The following KIAA0825 variants were observed in gnomAD, a reference collection of about 807,000 sequenced individuals.
KIAA0825 encodes the protein KIAA0825.
Under a neutral mutation model 147.6 loss-of-function variants are expected in KIAA0825, and 119 were observed. The observed-to-expected ratio is 0.81, with a 90% CI of 0.69 to 0.94. KIAA0825 has a LOEUF of 0.94. Ranked by LOEUF, KIAA0825 falls within the 40% of genes least tolerant of loss-of-function variation. The probability of loss-of-function intolerance (pLI) is 0.00; values close to 1 mark genes in which losing one functional copy is unlikely to be tolerated. For synonymous variants in KIAA0825, 470 were observed against 518.1 expected, an observed-to-expected ratio of 0.91 and a Z score of 1.26; for missense variants, 1,381 against 1,472.7, an observed-to-expected ratio of 0.94 and a Z score of 1.02.
rs1766618343 is a variant in KIAA0825 at position 94,152,845 on chromosome 5, A to T, written c.*1162T>A. 4.2e-4 allele frequency: 15 copies of T among 35,400 alleles called. No individual in the cohort carries two copies. Among genetic ancestry groups the T allele is most frequent in the Non-Finnish European group, 7.8e-4 (14 of 17,900 alleles). The allele number at this position is 35,400 out of a possible 1,614,324, so 2.2% of individuals were successfully genotyped here. On this transcript the variant is annotated 3_prime_UTR_variant, in exon 21 of 21. Coordinates refer to ENST00000682413, the MANE Select transcript of KIAA0825 (RefSeq NM_001145678.3). Reference sequence around the variant, plus strand: ...TGAAAAAAAAAAAAAAAAAAAAAAAAAAAAAAAAAATTATATATATATATA... The same window carrying T: ...TGAAAAAAAAAAAAAAAAAAAAAAATAAAAAAAAAATTATATATATATATA...
At chr5:94,219,256 C>G (rs1773473973) in intron 20 of KIAA0825, among the ~76,000 whole-genome samples, 1 of 151,982 alleles carries the variant, frequency 6.6e-6, no homozygotes, top group Non-Finnish European at 1.5e-5. Flanking sequence ...AGGGAGTGTG[C>G]AATCTAGATC....
At chr5:94,321,709 A>T (rs1056427684) in intron 20 of KIAA0825, among the ~76,000 whole-genome samples, 2 of 151,924 alleles carry the variant, frequency 1.3e-5, no homozygotes, top group African/African-American at 4.8e-5. Flanking sequence ...GCAGCAAATC[A>T]CCCTTTTGTT....
intron 14 of KIAA0825, among the ~76,000 whole-genome samples, chr5:94,418,476 C>T (rs530090434): frequency 6.6e-6 from 1 of 151,662 alleles, no homozygotes; most frequent in South Asian, 2.1e-4. Context: ...CCTCCCCCAC[C>T]CCTGCCCCCA....
chr5:94,394,440 T>G (rs1750349416), intron 17 of KIAA0825, among the ~76,000 whole-genome samples: 1 of 152,196 alleles, frequency 6.6e-6, no homozygotes, highest in Admixed American at 6.5e-5. Flanking sequence ...CTCTTTTGGC[T>G]CATTGTTAAT....
chr5:94,422,899 T>C (rs891667818), intron 14 of KIAA0825, among the ~76,000 whole-genome samples: 3 of 152,190 alleles, frequency 2.0e-5, no homozygotes, highest in African/African-American at 7.2e-5. Context: ...GTTCTTCCCA[T>C]TAATGTGAGT....
intron 1 of KIAA0825, among the ~76,000 whole-genome samples, chr5:94,616,468 T>A (rs1351035793): frequency 6.6e-6 from 1 of 152,190 alleles, no homozygotes; most frequent in African/African-American, 2.4e-5. Context: ...TAATAATTCC[T>A]TATAAATCAT....
At chr5:94,307,533 T>C (rs1778823098) in intron 20 of KIAA0825, among the ~76,000 whole-genome samples, 1 of 151,804 alleles carries the variant, frequency 6.6e-6, no homozygotes. Flanking sequence ...TGATTTCTTC[T>C]ATTTCAACAA....
chr5:94,386,212 T>G, intron 19 of KIAA0825, 30 bp downstream of exon 19: 1 of 1,523,090 alleles, frequency 6.6e-7, no homozygotes, highest in Non-Finnish European at 8.8e-7. Context: ...AAACCACACA[T>G]TTAAATTAAA....
At chr5:94,388,717 A>G (rs957448193) in intron 18 of KIAA0825, among the ~76,000 whole-genome samples, 3 of 152,200 alleles carry the variant, frequency 2.0e-5, no homozygotes, top group African/African-American at 7.2e-5. Flanking sequence ...CTTTCTAGGT[A>G]CTGCACTGAC....
At chr5:94,408,561 C>T (rs1011020041) in intron 15 of KIAA0825, among the ~76,000 whole-genome samples, 4 of 151,172 alleles carry the variant, frequency 2.6e-5, no homozygotes, top group East Asian at 2.0e-4. Flanking sequence ...TTAGTAGAGA[C>T]GGGGTTTCAC....
At chr5:94,565,352 T>TG (rs543584398) in intron 2 of KIAA0825, among the ~76,000 whole-genome samples, 2 of 151,078 alleles carry the variant, frequency 1.3e-5, no homozygotes, top group African/African-American at 4.9e-5. Context: ...TTCCTTTTTT[T>TG]TTTTTTTTGA....
chr5:94,448,756 GAC>G (rs751587884), intron 13 of KIAA0825, among the ~76,000 whole-genome samples: 1 of 152,116 alleles, frequency 6.6e-6, no homozygotes, highest in African/African-American at 2.4e-5. Flanking sequence ...GGGGGTGAAA[GAC>G]TCACACAGAC....
At chr5:94,571,531 T>C (rs1779965271) in intron 2 of KIAA0825, among the ~76,000 whole-genome samples, 1 of 152,224 alleles carries the variant, frequency 6.6e-6, no homozygotes, top group Non-Finnish European at 1.5e-5. Context: ...GAACAGTCAC[T>C]TGATCTAAAT....
At chr5:94,534,839 T>TA (rs914342684) in intron 3 of KIAA0825, among the ~76,000 whole-genome samples, 1 of 152,174 alleles carries the variant, frequency 6.6e-6, no homozygotes, top group Non-Finnish European at 1.5e-5. Context: ...TTTACCTTTT[T>TA]AAAAATATTT....
intron 12 of KIAA0825, among the ~76,000 whole-genome samples, chr5:94,459,852 T>G (rs1050052381): frequency 1.3e-5 from 2 of 152,090 alleles, no homozygotes; most frequent in African/African-American, 4.8e-5. Context: ...CATATGAAAT[T>G]TATTATCTAA....
At chr5:94,574,500 T>C (rs1260130980) in intron 2 of KIAA0825, among the ~76,000 whole-genome samples, 42 of 126,100 alleles carry the variant, frequency 3.3e-4, no homozygotes, top group Non-Finnish European at 9.3e-5. Context: ...GCCAAGATCA[T>C]GCCGTTGTAC....
chr5:94,338,456 C>A (rs1386929992), intron 20 of KIAA0825, among the ~76,000 whole-genome samples: 3 of 151,900 alleles, frequency 2.0e-5, no homozygotes, highest in African/African-American at 7.3e-5. Flanking sequence ...TGTGTGTATA[C>A]TATATATGGT....
At chr5:94,352,211 C>A (rs1388072690) in intron 20 of KIAA0825, among the ~76,000 whole-genome samples, 1 of 152,108 alleles carries the variant, frequency 6.6e-6, no homozygotes, top group Non-Finnish European at 1.5e-5. Context: ...AGAACTCAAA[C>A]AAATCAGCAA....
chr5:94,490,456 A>T (rs947588518), intron 5 of KIAA0825, among the ~76,000 whole-genome samples: 16 of 152,162 alleles, frequency 1.1e-4, no homozygotes, highest in African/African-American at 3.6e-4. Flanking sequence ...TTTGAAGATT[A>T]CTTCCAAAAT....
Sources: allele counts gnomAD v4.1 joint callset (sites outside exome capture counted in the v4.1 genomes callset), GRCh38; gene constraint gnomAD v4.1.1; transcripts MANE v1.5; gene names NCBI Gene and HGNC (gene_info 2026-07-23, HGNC 2026-07-21).